The following FGFR2 variants were observed in gnomAD, a reference collection of about 807,000 sequenced individuals.
The protein encoded by FGFR2 is BEK fibroblast growth factor receptor.
FGFR2 carries 19 observed loss-of-function variants against 95.9 expected under a neutral mutation model. That is an observed-to-expected ratio of 0.20 (90% confidence interval 0.14 to 0.29). FGFR2 has a LOEUF of 0.29. FGFR2 is among the 10% of genes least tolerant of loss of function. The pLI, the probability that FGFR2 is intolerant of heterozygous loss-of-function variation, is 1.00. For synonymous variants in FGFR2, 392 were observed against 393.3 expected (o/e 1.00, Z 0.04); for missense variants, 707 against 1,056.9 (o/e 0.67, Z 4.59).
chr10:121,546,185 T>A (rs1227585029), intron 5 of FGFR2, among the ~76,000 whole-genome samples: 11 of 135,378 alleles, frequency 8.1e-5, no homozygotes, highest in African/African-American at 1.2e-4. Flanking sequence ...ACCTCTTTAT[T>A]AAAAAAAAAA....
chr10:121,554,092 G>C (rs1016204008), intron 4 of FGFR2, among the ~76,000 whole-genome samples: 1 of 152,160 alleles, frequency 6.6e-6, no homozygotes. Flanking sequence ...TATAAAATCT[G>C]CTTCTGCAAA....
intron 2 of FGFR2, among the ~76,000 whole-genome samples, chr10:121,578,968 T>C (rs192905715): frequency 1.3e-5 from 2 of 152,230 alleles, no homozygotes; most frequent in Non-Finnish European, 2.9e-5. Context: ...CGGGCTGACA[T>C]TCTTTATTTC....
chr10:121,524,401 A>C (rs945732273), intron 6 of FGFR2, among the ~76,000 whole-genome samples: 1 of 152,150 alleles, frequency 6.6e-6, no homozygotes, highest in African/African-American at 2.4e-5. Flanking sequence ...GAAACCTTAG[A>C]GAATGTTATT....
intron 2 of FGFR2, among the ~76,000 whole-genome samples, chr10:121,570,417 C>A (rs74160627): frequency 0.039 from 5,983 of 152,274 alleles, 258 homozygotes; most frequent in East Asian, 0.17. Context: ...ACTCTGGTCA[C>A]CCCCCATGGA....
chr10:121,485,857 A>G lies in FGFR2; in HGVS notation c.2058-325T>C, dbSNP rs1028463328. On this transcript the variant is annotated intron_variant, in intron 15 of 17. Coordinates refer to ENST00000358487, the MANE Select transcript of FGFR2 (RefSeq NM_000141.5). This position sits in a 1 kb window ranked among gnomAD's most constrained non-coding sequence, Gnocchi z 4.2. ...TTCAAAGCCTTTACGCTCCTTTCCA[A>G]CTCCTTATGTGCCTGACCCAAGGGT... 2.0e-5 allele frequency among the ~76,000 whole-genome samples: 3 copies of G among 151,888 alleles called. No homozygotes were observed. Among genetic ancestry groups the G allele is most frequent in the African/African-American group, 7.3e-5 (3 of 41,320 alleles).
At chr10:121,592,490 A>G (rs1166214237) in intron 2 of FGFR2, among the ~76,000 whole-genome samples, 1 of 152,188 alleles carries the variant, frequency 6.6e-6, no homozygotes, top group African/African-American at 2.4e-5. Context: ...AAAGTTCCCC[A>G]GTCTCACACG....
At chr10:121,562,857 A>C (rs1437125731) in intron 4 of FGFR2, among the ~76,000 whole-genome samples, 2 of 152,254 alleles carry the variant, frequency 1.3e-5, no homozygotes, top group African/African-American at 2.4e-5. Context: ...TGTTGATAAC[A>C]GGACAGGCTA....
chr10:121,581,382 G>A (rs3096755), intron 2 of FGFR2, among the ~76,000 whole-genome samples: 147,454 of 152,118 alleles, frequency 0.97, 71,591 homozygotes, highest in East Asian at 1. Flanking sequence ...TGGTACTGAT[G>A]AGGGTCAACC....
At chr10:121,594,081 T>C (rs1406296112) in intron 1 of FGFR2, 114 bp from the exon 2 acceptor site, 10 of 570,752 alleles carry the variant, frequency 1.8e-5, no homozygotes, top group Non-Finnish European at 2.8e-5. Context: ...AGAGTTCTTT[T>C]TCATTATCTG....
At chr10:121,525,030 C>A (rs535667242) in intron 6 of FGFR2, among the ~76,000 whole-genome samples, 2 of 152,334 alleles carry the variant, frequency 1.3e-5, no homozygotes, top group African/African-American at 4.8e-5. Context: ...CAGTTTTAGG[C>A]AAGATTCTCT....
intron 2 of FGFR2, among the ~76,000 whole-genome samples, chr10:121,593,143 A>G (rs1448640881): frequency 6.6e-6 from 1 of 152,224 alleles, no homozygotes; most frequent in Admixed American, 6.5e-5. Context: ...TACCTAAACT[A>G]GAATCTGCCA....
chr10:121,504,982 G>C (rs371136841), intron 9 of FGFR2, among the ~76,000 whole-genome samples: 3 of 152,154 alleles, frequency 2.0e-5, no homozygotes, highest in Non-Finnish European at 4.4e-5. Context: ...AGTTAACCAC[G>C]ATCCATCTCC....
chr10:121,571,293 CCTTTTTTT>C (rs1296748505), intron 2 of FGFR2, among the ~76,000 whole-genome samples: 3 of 87,110 alleles, frequency 3.4e-5, no homozygotes, highest in African/African-American at 4.4e-5. Flanking sequence ...CCGTGCCTGG[CCTTTTTTT>C]TTTTTTTTTT....
intron 13 of FGFR2, among the ~76,000 whole-genome samples, chr10:121,488,566 AAAG>A (rs1303709724): frequency 7.2e-5 from 11 of 151,898 alleles, no homozygotes; most frequent in African/African-American, 2.4e-4. Context: ...AAAAGAAAGA[AAAG>A]AAAAGAAAAC....
intron 5 of FGFR2, among the ~76,000 whole-genome samples, chr10:121,547,528 G>A (rs112083986): frequency 0.012 from 1,888 of 151,584 alleles, 38 homozygotes; most frequent in African/African-American, 0.044. Context: ...TTGAGTAGCT[G>A]GGACTACAGG....
intron 2 of FGFR2, among the ~76,000 whole-genome samples, chr10:121,568,452 T>C (rs1260018625): frequency 1.3e-5 from 2 of 152,124 alleles, no homozygotes; most frequent in South Asian, 2.1e-4. Context: ...ACTTTCCTCT[T>C]AGCCAGAATT....
chr10:121,479,080 A>G lies in FGFR2; in HGVS notation c.*777T>C. On this transcript the variant is annotated 3_prime_UTR_variant, in exon 18 of 18. Coordinates refer to ENST00000358487, the MANE Select transcript of FGFR2 (RefSeq NM_000141.5). Reference sequence around the variant, plus strand: ...AATAAATCAAAACTTCATTTTCCCCAAATTAGTCATATATTGTAAATATTC... The same window carrying G: ...AATAAATCAAAACTTCATTTTCCCCGAATTAGTCATATATTGTAAATATTC... 4.3e-6 allele frequency: 1 copy of G among 233,058 alleles called. No homozygotes were observed. The highest frequency in any genetic ancestry group is 8.5e-6 in the Non-Finnish European group (1 of 117,662). 14.4% of individuals were successfully genotyped at this position (233,058 alleles called of 1,614,324 possible). A position where few individuals can be genotyped will look rare whatever the true frequency, so the allele number is the denominator to read the frequency against.
At chr10:121,568,238 C>T (rs955190832) in intron 2 of FGFR2, among the ~76,000 whole-genome samples, 11 of 152,148 alleles carry the variant, frequency 7.2e-5, no homozygotes, top group African/African-American at 2.2e-4. Flanking sequence ...GGGCCCCAAA[C>T]GCTATTGGTC....
intron 10 of FGFR2, 131 bp from the exon 11 acceptor site, chr10:121,501,078 G>A (rs1013245633): frequency 7.8e-7 from 1 of 1,280,116 alleles, no homozygotes; most frequent in Non-Finnish European, 1.1e-6. Context: ...TGGAACTAAT[G>A]AGACTTAGGG....
Sources: allele counts gnomAD v4.1 joint callset (sites outside exome capture counted in the v4.1 genomes callset), GRCh38; gene constraint gnomAD v4.1.1; non-coding constraint Gnocchi (gnomAD v3.1); transcripts MANE v1.5; gene names NCBI Gene and HGNC (gene_info 2026-07-23, HGNC 2026-07-21).